The following ACBD6 variants were observed in gnomAD, a reference collection of about 807,000 sequenced individuals.
ACBD6 encodes acyl-CoA-binding domain-containing protein 6.
Under a neutral mutation model 37.2 loss-of-function variants are expected in ACBD6, and 28 were observed. The ratio of observed to expected loss-of-function variants is 0.75; its 90% CI spans 0.56 to 1.03. The LOEUF (loss-of-function observed/expected upper bound fraction) is 1.03, where lower values mean the gene tolerates loss of function less well. Among genes scored for constraint, ACBD6 ranks in the 50% least tolerant of loss-of-function variants. The pLI is 0.00. For missense variants in ACBD6, 340 were observed against 337.4 expected (o/e 1.01, Z -0.06); for synonymous variants, 113 against 126.8 (o/e 0.89, Z 0.73).
In ACBD6 at chr1:180,430,082, A is replaced by G. The variant is rs1648752672; in HGVS notation, c.467+98T>C. ...TTGAAGATTTCAGGATTAAAAATATATAGTACACATATACACATACATAAG... is the reference window on the plus strand; with the variant it reads ...TTGAAGATTTCAGGATTAAAAATATGTAGTACACATATACACATACATAAG... On this transcript the variant is annotated intron_variant, in intron 4 of 7. Coordinates refer to ENST00000367595, the MANE Select transcript of ACBD6 (RefSeq NM_032360.4). The G allele has an allele frequency of 1.0e-5, 10 of 997,640 alleles. No individual in the cohort carries two copies. The South Asian group carries it at 1.1e-4, about 11-fold the overall frequency. 61.8% of individuals were successfully genotyped at this position (997,640 alleles called of 1,614,324 possible).
intron 5 of ACBD6, among the ~76,000 whole-genome samples, chr1:180,409,892 A>G (rs1325065583): frequency 6.6e-6 from 1 of 152,258 alleles, no homozygotes; most frequent in East Asian, 1.9e-4. Context: ...TGAGGAAGGC[A>G]TACTGAAAAC....
At chr1:180,356,951 T>C (rs1051120167) in intron 6 of ACBD6, among the ~76,000 whole-genome samples, 3 of 152,076 alleles carry the variant, frequency 2.0e-5, no homozygotes, top group African/African-American at 7.2e-5. Context: ...ACCATTACAG[T>C]AAAAGACACT....
intron 6 of ACBD6, among the ~76,000 whole-genome samples, chr1:180,376,154 A>T (rs201121460): frequency 2.2e-5 from 1 of 45,946 alleles, no homozygotes; most frequent in East Asian, 9.9e-4. Flanking sequence ...ATCAGGGCAA[A>T]AATTCTAAAA....
chr1:180,369,406 T>C lies in ACBD6; in HGVS notation c.663+28110A>G, dbSNP rs867961877. Among the ~76,000 whole-genome samples, 8 of 152,176 alleles carry C rather than the reference T, an allele frequency of 5.3e-5. 1 individual carries two copies. In the South Asian group the frequency reaches 6.2e-4, roughly 12 times the overall value. On this transcript the variant is annotated intron_variant, in intron 6 of 7. Transcript: ENST00000367595. Reference sequence around the variant, plus strand: ...GCTGGGTCATTTGGACTGGTCTCTATATAAAGTCCACTGCATAACTGATGG... The same window carrying C: ...GCTGGGTCATTTGGACTGGTCTCTACATAAAGTCCACTGCATAACTGATGG...
chr1:180,274,281 T>C (rs780636436), intron 10 of ACBD6: 2 of 1,614,228 alleles, frequency 1.2e-6, no homozygotes, highest in South Asian at 2.2e-5. Flanking sequence ...AGCTTCTCCA[T>C]GGACGGGACA....
At chr1:180,495,647 G>A in intron 1 of ACBD6, 122 bp from the exon 2 acceptor site, 1 of 699,180 alleles carries the variant, frequency 1.4e-6, no homozygotes, top group East Asian at 2.6e-5. Context: ...CATCTATATG[G>A]AATAGCAAAA....
chr1:180,492,329 G>C lies in ACBD6; in HGVS notation c.324C>G (p.Ser108Arg). The change falls in exon 3 of 8, where the codon AGC becomes AGG. Residue 108 changes from serine to arginine, a missense_variant. By Grantham distance (110) the Ser-to-Arg change is moderately radical (BLOSUM62 -1). Coordinates refer to ENST00000367595, the MANE Select transcript of ACBD6 (RefSeq NM_032360.4). ...AWKALGDSSP[S>R]QAMQEYIAVV... ...CTGCGATATATTCCTGCATTGCTTG[G>C]CTGGGGCTTGAATCACCAAGTGCTT... 9 of 1,613,912 alleles carry C rather than the reference G, an allele frequency of 5.6e-6. No homozygotes were observed. Among genetic ancestry groups the C allele is most frequent in the Non-Finnish European group, 7.6e-6 (9 of 1,179,974 alleles).
At chr1:180,439,307 G>A (rs1328307330) in intron 3 of ACBD6, among the ~76,000 whole-genome samples, 5 of 152,218 alleles carry the variant, frequency 3.3e-5, no homozygotes, top group Admixed American at 2.0e-4. Flanking sequence ...GGGAGGGGCC[G>A]GGTGTGGGGG....
chr1:180,279,822 G>C (rs1434676679), intron 9 of ACBD6, among the ~76,000 whole-genome samples: 1 of 151,540 alleles, frequency 6.6e-6, no homozygotes, highest in African/African-American at 2.4e-5. Context: ...ACAGCAACAG[G>C]GACTTTTTCA....
intron 5 of ACBD6, among the ~76,000 whole-genome samples, chr1:180,408,880 G>GGTGCA (rs1309227796): frequency 6.6e-6 from 1 of 152,046 alleles, no homozygotes; most frequent in Non-Finnish European, 1.5e-5. Flanking sequence ...AGTCTGGCCG[G>GGTGCA]GTGCAGTGGC....
At chr1:180,427,953 C>T (rs374476739) in intron 4 of ACBD6, among the ~76,000 whole-genome samples, 5 of 148,600 alleles carry the variant, frequency 3.4e-5, no homozygotes, top group Middle Eastern at 3.5e-3. Flanking sequence ...CAAAAAACAA[C>T]GAATTTTCAT....
At chr1:180,395,483 T>C (rs1251225218) in intron 6 of ACBD6, among the ~76,000 whole-genome samples, 2 of 152,196 alleles carry the variant, frequency 1.3e-5, no homozygotes, top group Admixed American at 1.3e-4. Flanking sequence ...TTTATTTTTA[T>C]TTTTAGCTTT....
chr1:180,403,058 T>A (rs1647445715), intron 5 of ACBD6, among the ~76,000 whole-genome samples: 1 of 152,094 alleles, frequency 6.6e-6, no homozygotes, highest in African/African-American at 2.4e-5. Context: ...CTCAAAAACA[T>A]TATGCTGAAT....
intron 4 of ACBD6, among the ~76,000 whole-genome samples, chr1:180,429,054 G>T (rs2101995563): frequency 6.6e-6 from 1 of 152,212 alleles, no homozygotes; most frequent in East Asian, 1.9e-4. Context: ...CTAAGTTTGG[G>T]GGCCTTCCTC....
intron 6 of ACBD6, among the ~76,000 whole-genome samples, chr1:180,390,489 C>T (rs1654032494): frequency 6.6e-6 from 1 of 152,070 alleles, no homozygotes; most frequent in African/African-American, 2.4e-5. Context: ...GATGCAGGCT[C>T]TTTTTTGGTT....
At chr1:180,449,202 T>C (rs990429685) in intron 3 of ACBD6, among the ~76,000 whole-genome samples, 1 of 152,226 alleles carries the variant, frequency 6.6e-6, no homozygotes, top group African/African-American at 2.4e-5. Context: ...ACATCAGTTA[T>C]TTGTAGCTTA....
At chr1:180,414,182 G>T (rs958263457) in intron 4 of ACBD6, among the ~76,000 whole-genome samples, 7 of 152,188 alleles carry the variant, frequency 4.6e-5, no homozygotes, top group African/African-American at 1.7e-4. Context: ...GATGTTGTAT[G>T]TATAGGGGGA....
At chr1:180,452,873 G>A (rs531976488) in intron 3 of ACBD6, among the ~76,000 whole-genome samples, 8 of 152,208 alleles carry the variant, frequency 5.3e-5, no homozygotes, top group African/African-American at 1.7e-4. Flanking sequence ...GGAAGAAGTC[G>A]AATCCCTGAA....
intron 1 of ACBD6, among the ~76,000 whole-genome samples, chr1:180,498,170 TATCTC>T (rs1651807295): frequency 6.6e-6 from 1 of 152,320 alleles, no homozygotes; most frequent in Middle Eastern, 3.4e-3. Context: ...TGTCACCACT[TATCTC>T]ATCAAAAAAA....
Sources: allele counts gnomAD v4.1 joint callset (sites outside exome capture counted in the v4.1 genomes callset), GRCh38; gene constraint gnomAD v4.1.1; transcripts MANE v1.5; gene names NCBI Gene and HGNC (gene_info 2026-07-23, HGNC 2026-07-21).